Variants in ADAMTSL2 observed in about 807,000 individuals in gnomAD.
ADAMTSL2 encodes the protein ADAMTS-like protein 2.
ADAMTSL2 carries 55 observed loss-of-function variants against 117.0 expected under a neutral mutation model. The observed-to-expected ratio is 0.47, with a 90% CI of 0.38 to 0.59. ADAMTSL2 has a LOEUF of 0.59. Among genes scored for constraint, ADAMTSL2 ranks in the 20% least tolerant of loss-of-function variants. ADAMTSL2 has a pLI of 0.00. For missense variants in ADAMTSL2, 1,182 were observed against 1,354.5 expected (o/e 0.87, Z 2.00); for synonymous variants, 572 against 566.4 (o/e 1.01, Z -0.14).
chr9:133,575,174 G>T lies in ADAMTSL2; in HGVS notation c.*310G>T. ...GCCCCCCAGCAGCCCCCAGCCGAGG[G>T]GCCCAGGGCCCACAGCCAGCGGTGG... On this transcript the variant is annotated 3_prime_UTR_variant, in exon 19 of 19. Coordinates refer to ENST00000651351, the MANE Select transcript of ADAMTSL2 (RefSeq NM_014694.4). 2.4e-6 allele frequency: 1 copy of T among 421,158 alleles called. No homozygotes were observed. Among genetic ancestry groups the T allele is most frequent in the Non-Finnish European group, 4.4e-6 (1 of 226,422 alleles). 26.1% of individuals were successfully genotyped at this position (421,158 alleles called of 1,614,324 possible).
At chr9:133,539,226 A>G (rs1830133057) in intron 4 of ADAMTSL2, among the ~76,000 whole-genome samples, 1 of 152,206 alleles carries the variant, frequency 6.6e-6, no homozygotes, top group Non-Finnish European at 1.5e-5. Flanking sequence ...TATGAGCTCC[A>G]GCATGAGAGG....
In ADAMTSL2 at chr9:133,554,673, C is replaced by G. The variant is rs1165746806; in HGVS notation, c.1256C>G (p.Pro419Arg). The G allele has an allele frequency of 6.6e-7, 1 of 1,512,914 alleles. No individual in the cohort carries two copies. The highest frequency in any genetic ancestry group is 1.4e-5 in the African/African-American group (1 of 72,262). 93.7% of individuals were successfully genotyped at this position (1,512,914 alleles called of 1,614,324 possible). A position where few individuals can be genotyped will look rare whatever the true frequency, so the allele number is the denominator to read the frequency against. ...GGCGGCGGGGCCTGCGAGGGGCCCC[C>G]CAGGGGCAAGGGCTTCCGAGGTAAC... is the stretch of plus-strand genomic sequence containing the variant. ...QAGGGACEGP[P>R]RGKGFRDRNV... is the part of the protein sequence containing the mutation. Residue 419 changes from proline (P) to arginine (R), a missense_variant, in exon 10 of 19, where the codon CCC (proline) becomes CGC (arginine). Coordinates refer to ENST00000651351, the MANE Select transcript of ADAMTSL2 (RefSeq NM_014694.4). This position sits in a 1 kb window ranked among gnomAD's most constrained non-coding sequence, Gnocchi z 5.2.
At chr9:133,573,650 G>A (rs1331355922) in intron 17 of ADAMTSL2, among the ~76,000 whole-genome samples, 193 bp from the exon 18 acceptor site, 9 of 152,176 alleles carry the variant, frequency 5.9e-5, no homozygotes, top group African/African-American at 9.7e-5. Flanking sequence ...CCCTTTTGTC[G>A]GCATCTCAAC....
intron 9 of ADAMTSL2, among the ~76,000 whole-genome samples, chr9:133,547,585 C>T (rs1212720236): frequency 1.3e-5 from 2 of 152,246 alleles, no homozygotes; most frequent in Non-Finnish European, 2.9e-5. Flanking sequence ...CCCTGGAGGA[C>T]CAGCGGGGGT....
intron 1 of ADAMTSL2, among the ~76,000 whole-genome samples, chr9:133,536,316 TC>T (rs971957911): frequency 3.3e-5 from 5 of 152,144 alleles, no homozygotes; most frequent in Admixed American, 6.5e-5. Context: ...CCAGAGCCTT[TC>T]CCCCCGCCTG....
intron 13 of ADAMTSL2, 108 bp from the exon 14 acceptor site, chr9:133,568,164 AC>A: frequency 8.5e-7 from 1 of 1,175,560 alleles, no homozygotes; most frequent in African/African-American, 1.5e-5. Flanking sequence ...GCGGTTTTGG[AC>A]CACATAGGGG....
Position 133,557,862 on chromosome 9 carries a change from G to A in ADAMTSL2, c.1649+1932G>A, listed in dbSNP as rs1168377004. Among the ~76,000 whole-genome samples the A allele has an allele frequency of 1.3e-5, 2 of 152,308 alleles. No individual in the cohort carries two copies. Among genetic ancestry groups the A allele is most frequent in the Non-Finnish European group, 2.9e-5 (2 of 68,028 alleles). ...AGAATAGGTTTATCAGAGTGGCACC[G>A]AGGCCTCGCTGTGGAATTTGGCTTA... On this transcript the variant is annotated intron_variant, in intron 11 of 18. Transcript: ENST00000651351. The surrounding 1 kb of genome is among the most constrained non-coding windows in gnomAD (Gnocchi z 5.2).
rs1831025016 is a variant in ADAMTSL2 at position 133,568,364 on chromosome 9, G to A, written c.1966G>A (p.Gly656Ser). The A allele has an allele frequency of 2.5e-6, 4 of 1,599,744 alleles. No individual in the cohort carries two copies. The highest frequency in any genetic ancestry group is 1.7e-5 in the Admixed American group (1 of 58,056). The part of the protein sequence containing the change: ...VVRCWKMLSP[G>S]FDSSVYSDLC... ...GCGCTGCTGGAAGATGCTCTCGCCC[G>A]GCTTCGACAGCTCCGTGTACAGCGA... Residue 656 changes from glycine to serine, a missense_variant, in exon 14 of 19, where the codon GGC becomes AGC. Coordinates refer to ENST00000651351, the MANE Select transcript of ADAMTSL2 (RefSeq NM_014694.4).
Position 133,555,549 on chromosome 9 carries a change from C to T in ADAMTSL2, c.1277-9C>T. The T allele has an allele frequency of 1.2e-6, 2 of 1,612,988 alleles. No individual in the cohort carries two copies. The highest frequency in any genetic ancestry group is 1.7e-6 in the Non-Finnish European group (2 of 1,180,026). The stretch of plus-strand genomic sequence containing the variant: ...GTGCCCACGGTTGAGCCACCTGTCT[C>T]CTCTCCAGACCGCAACGTCACGGGG... On this transcript the variant is annotated splice_polypyrimidine_tract_variant and intron_variant, in intron 10 of 18. Coordinates refer to ENST00000651351, the MANE Select transcript of ADAMTSL2 (RefSeq NM_014694.4).
Position 133,574,822 on chromosome 9 carries a change from C to T in ADAMTSL2, c.2814C>T (p.Tyr938=), listed in dbSNP as rs1403019666. Residue 938 remains tyrosine, a synonymous_variant, in exon 19 of 19, where the codon TAC becomes TAT. Coordinates refer to ENST00000651351, the MANE Select transcript of ADAMTSL2 (RefSeq NM_014694.4). The part of the protein sequence containing the change: ...IKVNLCGHWY[Y]SKACCRSCRP... ...TGAACCTCTGCGGGCACTGGTACTA[C>T]AGCAAGGCGTGCTGCCGCTCCTGCA... The T allele has an allele frequency of 2.0e-5, 32 of 1,613,514 alleles. No homozygotes were observed. Among genetic ancestry groups the T allele is most frequent in the Admixed American group, 3.3e-5 (2 of 60,008 alleles).
chr9:133,558,875 A>T lies in ADAMTSL2; in HGVS notation c.1650-2323A>T, dbSNP rs1230148118. Among the ~76,000 whole-genome samples, 1 of 152,232 alleles carries T rather than the reference A, an allele frequency of 6.6e-6. No individual in the cohort carries two copies. Among genetic ancestry groups the T allele is most frequent in the Non-Finnish European group, 1.5e-5 (1 of 68,034 alleles). ...TTGTTGTGCAAATATATGCAGGGTT[A>T]TGTTCAAGAGTTGCATCTGCTATGC... On this transcript the variant is annotated intron_variant, in intron 11 of 18. Coordinates refer to ENST00000651351, the MANE Select transcript of ADAMTSL2 (RefSeq NM_014694.4). This position sits in a 1 kb window ranked among gnomAD's most constrained non-coding sequence, Gnocchi z 4.3.
intron 6 of ADAMTSL2, 31 bp downstream of exon 6, chr9:133,540,774 G>T (rs371257607): frequency 1.2e-6 from 2 of 1,613,446 alleles, no homozygotes; most frequent in Non-Finnish European, 8.5e-7. Flanking sequence ...AAGTACCGCC[G>T]GTCTCACTGT....
In ADAMTSL2 at chr9:133,534,987, GC is replaced by G. The variant is rs951922759; in HGVS notation, c.-151+71del. ...AGGCCAGCCCACTGCTCAGAGTGGG[GC>G]TGGGGGTAGGAGCACCCCGCGCCCT... On this transcript the variant is annotated intron_variant, in intron 1 of 18. Transcript: ENST00000651351. The G allele has an allele frequency of 6.8e-6, 9 of 1,325,150 alleles. No homozygotes were observed. The African/African-American group carries it at 1.2e-4, about 18-fold the overall frequency. The allele number at this position is 1,325,150 out of a possible 1,614,324, so 82.1% of individuals were successfully genotyped here. A position where few individuals can be genotyped will look rare whatever the true frequency, so the allele number is the denominator to read the frequency against.
In ADAMTSL2 at chr9:133,563,118, C is replaced by T. The variant is rs373927732; in HGVS notation, c.1747+1823C>T. ...ACTGTTTTCCACAGGTGAACTGGGA[C>T]GCCTGCTTATCTCAAAGGTGGGTTG... On this transcript the variant is annotated intron_variant, in intron 12 of 18. Transcript: ENST00000651351. Among the ~76,000 whole-genome samples the T allele has an allele frequency of 9.8e-3, 1,489 of 152,358 alleles. 27 individuals carry two copies. The highest frequency in any genetic ancestry group is 0.034 in the African/African-American group (1,404 of 41,582).
intron 11 of ADAMTSL2, 88 bp downstream of exon 11, chr9:133,556,018 G>C: frequency 2.0e-6 from 3 of 1,530,144 alleles, no homozygotes; most frequent in Non-Finnish European, 1.8e-6. Context: ...CCCACTGGGG[G>C]GGTCTGGCCA....
chr9:133,534,671 A>C (rs1830004999), upstream of ADAMTSL2: 1 of 1,337,488 alleles, frequency 7.5e-7, no homozygotes, highest in East Asian at 3.1e-5. Flanking sequence ...TCTGCCTGAC[A>C]GCTATAAAGG....
Position 133,575,087 on chromosome 9 carries a change from C to A in ADAMTSL2, c.*223C>A. 1 of 581,666 alleles carries A rather than the reference C, an allele frequency of 1.7e-6. No individual in the cohort carries two copies. Among genetic ancestry groups the A allele is most frequent in the East Asian group, 2.8e-5 (1 of 35,136 alleles). The allele number at this position is 581,666 out of a possible 1,614,324, so 36.0% of individuals were successfully genotyped here. ...GTGGCCTCCCCCAGACAGAGCCACCCCTGCCGTGGGAACCTGTCCGTGTTC... is the reference window on the plus strand; with the variant it reads ...GTGGCCTCCCCCAGACAGAGCCACCACTGCCGTGGGAACCTGTCCGTGTTC... On this transcript the variant is annotated 3_prime_UTR_variant, in exon 19 of 19. Transcript: ENST00000651351.
rs955591533 is a variant in ADAMTSL2 at position 133,575,142 on chromosome 9, C to A, written c.*278C>A. 1.0e-5 allele frequency: 5 copies of A among 484,730 alleles called. No homozygotes were observed. The highest frequency in any genetic ancestry group is 9.9e-5 in the African/African-American group (5 of 50,652). 30.0% of individuals were successfully genotyped at this position (484,730 alleles called of 1,614,324 possible). Reference sequence around the variant, plus strand: ...GTGGATCCTGTGTTTGTGGCTCCCACTCCCCAGCCCCCCAGCAGCCCCCAG... The same window carrying A: ...GTGGATCCTGTGTTTGTGGCTCCCAATCCCCAGCCCCCCAGCAGCCCCCAG... On this transcript the variant is annotated 3_prime_UTR_variant, in exon 19 of 19. Transcript: ENST00000651351.
chr9:133,547,828 T>C (rs1305926520), intron 9 of ADAMTSL2, among the ~76,000 whole-genome samples: 1 of 152,204 alleles, frequency 6.6e-6, no homozygotes, highest in Non-Finnish European at 1.5e-5. Context: ...ACTCAGGGGT[T>C]CTGGGGTGGG....
Sources: gnomAD v4.1 joint callset for allele counts (sites outside exome capture counted in the v4.1 genomes callset) on GRCh38, gnomAD v4.1.1 for gene constraint, Gnocchi (gnomAD v3.1) non-coding constraint, MANE v1.5 for transcripts, NCBI Gene and HGNC (gene_info 2026-07-23, HGNC 2026-07-21) for gene names.